Variants in MMP26 observed in about 807,000 individuals in gnomAD.
MMP26 encodes the protein matrix metallopeptidase 26, also known as matrix metalloproteinase-26.
A neutral mutation model predicts 31.0 loss-of-function variants in MMP26; 33 were observed. The ratio of observed to expected loss-of-function variants is 1.06; its 90% CI spans 0.81 to 1.42. The LOEUF (loss-of-function observed/expected upper bound fraction) is 1.42, where lower values mean the gene tolerates loss of function less well. Ranked by LOEUF, MMP26 falls within the 40% of genes most tolerant of loss-of-function variation. The pLI is 0.00. For synonymous variants in MMP26, 122 were observed against 114.9 expected (o/e 1.06, Z -0.40); for missense variants, 347 against 316.1 (o/e 1.10, Z -0.74).
intron 2 of MMP26, among the ~76,000 whole-genome samples, chr11:4,985,981 G>A (rs1846879937): frequency 6.6e-6 from 1 of 152,186 alleles, no homozygotes; most frequent in Non-Finnish European, 1.5e-5. Context: ...GGTTTCCCAT[G>A]TCTTTAATTC....
intron 1 of MMP26, chr11:4,723,203 C>T (rs1011154013): frequency 3.9e-5 from 61 of 1,544,752 alleles, no homozygotes; most frequent in Non-Finnish European, 3.6e-6. Flanking sequence ...CAGGGAAGCC[C>T]TCTGGCCTTT....
At chr11:4,958,814 G>A (rs927522936) in intron 2 of MMP26, among the ~76,000 whole-genome samples, 2 of 152,068 alleles carry the variant, frequency 1.3e-5, no homozygotes, top group African/African-American at 4.8e-5. Context: ...TTTGATTTCT[G>A]TCTCTAAGTT....
chr11:4,882,306 C>T, intron 2 of MMP26: 2 of 1,614,006 alleles, frequency 1.2e-6, no homozygotes, highest in Middle Eastern at 1.7e-4. Context: ...AACTATGCTA[C>T]TATCCTCACA....
intron 2 of MMP26, among the ~76,000 whole-genome samples, chr11:4,904,878 T>C (rs1289094878): frequency 6.6e-6 from 1 of 152,136 alleles, no homozygotes; most frequent in Non-Finnish European, 1.5e-5. Context: ...TGATGACAGA[T>C]ACATGGGGAT....
At chr11:4,859,010 G>T (rs954744173) in intron 2 of MMP26, among the ~76,000 whole-genome samples, 4 of 152,128 alleles carry the variant, frequency 2.6e-5, no homozygotes, top group South Asian at 2.1e-4. Flanking sequence ...GGGAAAACTG[G>T]CTAGCCATAT....
chr11:4,910,772 A>T (rs1850978696), intron 2 of MMP26, among the ~76,000 whole-genome samples: 1 of 152,136 alleles, frequency 6.6e-6, no homozygotes, highest in Admixed American at 6.6e-5. Context: ...TATTTGGACA[A>T]AGAAGGGCCC....
intron 2 of MMP26, among the ~76,000 whole-genome samples, chr11:4,893,155 C>T (rs890675893): frequency 1.3e-5 from 2 of 151,960 alleles, no homozygotes; most frequent in African/African-American, 2.4e-5. Flanking sequence ...GTATAATATA[C>T]ATACTACATA....
At chr11:4,873,896 A>G (rs950287413) in intron 2 of MMP26, among the ~76,000 whole-genome samples, 8 of 152,074 alleles carry the variant, frequency 5.3e-5, no homozygotes, top group Admixed American at 3.3e-4. Flanking sequence ...CAGAGCCTTT[A>G]TTTTTAAAGC....
intron 1 of MMP26, chr11:4,723,711 C>T (rs1196968186): frequency 9.7e-7 from 1 of 1,036,076 alleles, no homozygotes; most frequent in Non-Finnish European, 1.5e-6. Context: ...TCTCCTGGCC[C>T]AGAGTGTCCA....
At chr11:4,940,819 C>A (rs893516595) in intron 2 of MMP26, among the ~76,000 whole-genome samples, 3 of 152,116 alleles carry the variant, frequency 2.0e-5, no homozygotes, top group African/African-American at 4.8e-5. Context: ...GGTTCATTTT[C>A]CCCTAGCTAT....
chr11:4,796,792 C>T (rs1270057036), intron 2 of MMP26, among the ~76,000 whole-genome samples: 1 of 152,090 alleles, frequency 6.6e-6, no homozygotes, highest in African/African-American at 2.4e-5. Flanking sequence ...CAGTGCTTCT[C>T]CTCCTTTGCT....
At chr11:4,852,978 C>T (rs1849996640) in intron 2 of MMP26, among the ~76,000 whole-genome samples, 1 of 152,138 alleles carries the variant, frequency 6.6e-6, no homozygotes, top group Admixed American at 6.5e-5. Context: ...CACGACCTCA[C>T]TTTTGTGTGA....
At chr11:4,830,668 T>G (rs1849634428) in intron 2 of MMP26, among the ~76,000 whole-genome samples, 1 of 152,196 alleles carries the variant, frequency 6.6e-6, no homozygotes, top group South Asian at 2.1e-4. Flanking sequence ...TACCATTACA[T>G]AGCCATACCA....
chr11:4,896,094 C>T (rs575405388), intron 2 of MMP26, among the ~76,000 whole-genome samples: 3 of 152,194 alleles, frequency 2.0e-5, no homozygotes, highest in East Asian at 3.9e-4. Flanking sequence ...GTCAAAATTT[C>T]GGAGTTTCTA....
At chr11:4,872,426 G>A (rs910592699) in intron 2 of MMP26, among the ~76,000 whole-genome samples, 1 of 151,918 alleles carries the variant, frequency 6.6e-6, no homozygotes, top group Non-Finnish European at 1.5e-5. Flanking sequence ...GGAATTAAGG[G>A]GCAAGGGGAG....
At chr11:4,957,596 C>T (rs1479431857) in intron 2 of MMP26, among the ~76,000 whole-genome samples, 1 of 152,106 alleles carries the variant, frequency 6.6e-6, no homozygotes. Flanking sequence ...AAAACTCCAC[C>T]TTACACTCCC....
chr11:4,951,976 T>G (rs1451178584), intron 2 of MMP26, among the ~76,000 whole-genome samples: 1 of 124,522 alleles, frequency 8.0e-6, no homozygotes, highest in African/African-American at 2.7e-5. Flanking sequence ...TTTGCAGCAC[T>G]TAAGTGTCCT....
intron 2 of MMP26, among the ~76,000 whole-genome samples, chr11:4,775,780 G>C (rs1000770152): frequency 2.6e-5 from 4 of 152,008 alleles, no homozygotes; most frequent in African/African-American, 7.3e-5. Context: ...GAAAGAGAGA[G>C]AGAGAGAAGG....
At chr11:4,877,903 T>G (rs1232171379) in intron 2 of MMP26, 1 of 152,172 alleles carries the variant, frequency 6.6e-6, no homozygotes, top group Non-Finnish European at 1.5e-5. Context: ...ATAATAAAAT[T>G]TACTCACTTT....
Sources: allele counts gnomAD v4.1 joint callset (sites outside exome capture counted in the v4.1 genomes callset), GRCh38; gene constraint gnomAD v4.1.1; transcripts MANE v1.5; gene names NCBI Gene and HGNC (gene_info 2026-07-23, HGNC 2026-07-21).